The following NBAS variants were observed in gnomAD, a reference collection of about 807,000 sequenced individuals.
NBAS encodes the protein NAG/BC035112 fusion.
Under a neutral mutation model 302.5 loss-of-function variants are expected in NBAS, and 219 were observed. The observed-to-expected ratio is 0.72, with a 90% CI of 0.65 to 0.81. The LOEUF (loss-of-function observed/expected upper bound fraction) is 0.81. Among genes scored for constraint, NBAS ranks in the 30% least tolerant of loss-of-function variants. NBAS has a pLI of 0.00. For synonymous variants in NBAS, 1,118 were observed against 1,021.6 expected, an observed-to-expected ratio of 1.09 and a Z score of -1.80; for missense variants, 2,932 against 2,841.6, an observed-to-expected ratio of 1.03 and a Z score of -0.72.
chr2:15,524,286 C>G (rs1662815328), intron 9 of NBAS, among the ~76,000 whole-genome samples: 1 of 152,192 alleles, frequency 6.6e-6, no homozygotes, highest in African/African-American at 2.4e-5. Flanking sequence ...GGAGTGACTT[C>G]CTGGCTGCCA....
the NBAS span, among the ~76,000 whole-genome samples, chr2:15,113,140 T>C: frequency 6.6e-6 from 1 of 152,144 alleles, no homozygotes; most frequent in Non-Finnish European, 1.5e-5. Flanking sequence ...GAATGTGGGA[T>C]AGAGAAATAA....
At chr2:15,374,539 T>C in intron 31 of NBAS, 69 bp downstream of exon 31, 1 of 1,360,558 alleles carries the variant, frequency 7.3e-7, no homozygotes, top group Non-Finnish European at 1.1e-6. Flanking sequence ...TTTTAAAAAC[T>C]AAAAAAGAAT....
chr2:15,299,290 C>T (rs988679216), intron 40 of NBAS, among the ~76,000 whole-genome samples: 5 of 152,186 alleles, frequency 3.3e-5, no homozygotes, highest in Admixed American at 6.5e-5. Flanking sequence ...CAATGCAGTT[C>T]TTCAGGGAGG....
At chr2:14,873,008 G>A in the NBAS span, among the ~76,000 whole-genome samples, 4 of 152,140 alleles carry the variant, frequency 2.6e-5, no homozygotes, top group Admixed American at 2.0e-4. Context: ...TGCTAAGAGC[G>A]AAAGAAAAAA....
the NBAS span, among the ~76,000 whole-genome samples, chr2:14,887,019 T>C: frequency 1.2e-4 from 19 of 152,316 alleles, no homozygotes; most frequent in African/African-American, 3.6e-4. Flanking sequence ...CCTTCTTAAA[T>C]TGATTGACAG....
chr2:14,941,908 G>A, the NBAS span, among the ~76,000 whole-genome samples: 1 of 152,118 alleles, frequency 6.6e-6, no homozygotes, highest in African/African-American at 2.4e-5. Flanking sequence ...CTACTGGTTG[G>A]AGGATGAGTT....
the NBAS span, among the ~76,000 whole-genome samples, chr2:15,081,552 C>T: frequency 6.6e-6 from 1 of 152,254 alleles, no homozygotes; most frequent in Non-Finnish European, 1.5e-5. Context: ...ACGACCTCTT[C>T]ATCCAAAGGC....
intron 41 of NBAS, among the ~76,000 whole-genome samples, chr2:15,291,937 A>C (rs1670322461): frequency 6.6e-6 from 1 of 152,234 alleles, no homozygotes. Flanking sequence ...ACTTTAAAAA[A>C]AAATAGTAAC....
At chr2:15,172,739 G>A (rs572120458) in intron 51 of NBAS, among the ~76,000 whole-genome samples, 1 of 152,336 alleles carries the variant, frequency 6.6e-6, no homozygotes, top group African/African-American at 2.4e-5. Flanking sequence ...TTGGATGTGA[G>A]AAATAAATAT....
intron 51 of NBAS, among the ~76,000 whole-genome samples, chr2:15,176,235 T>C (rs2125111368): frequency 6.6e-6 from 1 of 152,372 alleles, no homozygotes; most frequent in African/African-American, 2.4e-5. Context: ...TTAATGGTGT[T>C]GGAAGAGCAA....
chr2:15,486,632 C>T (rs957659293), intron 12 of NBAS, among the ~76,000 whole-genome samples: 1 of 152,022 alleles, frequency 6.6e-6, no homozygotes, highest in African/African-American at 2.4e-5. Flanking sequence ...TTTCTGAGGT[C>T]CCCCCCTTTC....
intron 12 of NBAS, 74 bp from the exon 13 acceptor site, chr2:15,478,363 C>G: frequency 1.8e-6 from 2 of 1,095,234 alleles, no homozygotes; most frequent in South Asian, 1.3e-5. Flanking sequence ...GAACTGTGGA[C>G]TTTTTCAAAT....
chr2:15,418,544 GAA>G (rs1246882528), intron 23 of NBAS, among the ~76,000 whole-genome samples: 1 of 152,180 alleles, frequency 6.6e-6, no homozygotes, highest in Non-Finnish European at 1.5e-5. Context: ...AGCCTTGTAA[GAA>G]AAGACAACCA....
chr2:14,781,746 CAA>C, the NBAS span, among the ~76,000 whole-genome samples: 3 of 135,872 alleles, frequency 2.2e-5, no homozygotes, highest in Non-Finnish European at 3.2e-5. Context: ...GCTATTGTGA[CAA>C]AAAAAAAAAA....
chr2:15,413,870 CAT>C (rs1322743552), intron 25 of NBAS, among the ~76,000 whole-genome samples: 12 of 152,172 alleles, frequency 7.9e-5, no homozygotes. Context: ...TTGAGATTCA[CAT>C]GTTTCAACAA....
intron 5 of NBAS, among the ~76,000 whole-genome samples, chr2:15,552,793 ATT>A (rs140817288): frequency 0.57 from 74,003 of 128,902 alleles, 19,980 homozygotes; most frequent in Non-Finnish European, 0.62. Flanking sequence ...AAGCATACCT[ATT>A]TTTTTTTTTT....
At chr2:15,417,478 A>G (rs1677000651) in intron 24 of NBAS, 49 bp downstream of exon 24, 5 of 1,501,860 alleles carry the variant, frequency 3.3e-6, no homozygotes, top group Non-Finnish European at 4.6e-6. Context: ...ATCAAAGTGC[A>G]TAGAAAATGC....
At chr2:14,926,425 T>A in the NBAS span, among the ~76,000 whole-genome samples, 1 of 152,174 alleles carries the variant, frequency 6.6e-6, no homozygotes, top group African/African-American at 2.4e-5. Flanking sequence ...CACTAACGAT[T>A]AGCTGTTAAC....
intron 21 of NBAS, among the ~76,000 whole-genome samples, chr2:15,428,781 CG>C (rs1677610385): frequency 6.6e-6 from 1 of 152,110 alleles, no homozygotes; most frequent in Non-Finnish European, 1.5e-5. Flanking sequence ...CGGTGGCTCA[CG>C]CCTGTAATCC....
Sources: gnomAD v4.1 joint callset for allele counts (sites outside exome capture counted in the v4.1 genomes callset) on GRCh38, gnomAD v4.1.1 for gene constraint, MANE v1.5 for transcripts, NCBI Gene and HGNC (gene_info 2026-07-23, HGNC 2026-07-21) for gene names.